Variants in SCOC observed in about 807,000 individuals in gnomAD.
SCOC encodes the protein short coiled coil protein.
SCOC carries 7 observed loss-of-function variants against 9.9 expected under a neutral mutation model. The ratio of observed to expected loss-of-function variants is 0.71; its 90% CI spans 0.40 to 1.33. The LOEUF is 1.33. SCOC is among the 40% of genes most tolerant of loss of function. SCOC has a pLI of 0.01. For missense variants in SCOC, 66 were observed against 89.7 expected (o/e 0.74, Z 1.07); for synonymous variants, 19 against 28.2 (o/e 0.67, Z 1.03).
chr4:140,304,709 G>A (rs912237059), intron 1 of SCOC, among the ~76,000 whole-genome samples: 61 of 152,312 alleles, frequency 4.0e-4, no homozygotes, highest in African/African-American at 1.4e-3. Flanking sequence ...AGAGCAGGAA[G>A]GCTGGTCTTT....
At chr4:140,290,441 C>T (rs1226593288) in intron 1 of SCOC, among the ~76,000 whole-genome samples, 1 of 152,156 alleles carries the variant, frequency 6.6e-6, no homozygotes, top group Admixed American at 6.5e-5. Flanking sequence ...TTCCCCCATG[C>T]CTTTGGTTCC....
chr4:140,349,150 A>G (rs1050139380), intron 2 of SCOC, among the ~76,000 whole-genome samples: 1 of 152,214 alleles, frequency 6.6e-6, no homozygotes, highest in Admixed American at 6.5e-5. Flanking sequence ...CAACAGAGCA[A>G]TTGTGATGAC....
intron 1 of SCOC, among the ~76,000 whole-genome samples, chr4:140,326,851 T>C (rs1732664851): frequency 1.3e-5 from 2 of 152,194 alleles, no homozygotes; most frequent in African/African-American, 2.4e-5. Context: ...TCTGATAACA[T>C]TCATTGGTGA....
chr4:140,379,796 C>A, intron 3 of SCOC, 144 bp downstream of exon 3: 1 of 606,760 alleles, frequency 1.6e-6, no homozygotes, highest in Non-Finnish European at 2.9e-6. Flanking sequence ...ATCTATCTTC[C>A]TGCTTTGGTA....
chr4:140,317,646 A>G (rs968932320), intron 1 of SCOC, among the ~76,000 whole-genome samples: 3 of 133,292 alleles, frequency 2.3e-5, no homozygotes, highest in African/African-American at 8.3e-5. Flanking sequence ...TTTTTTTTCT[A>G]CTGTTTGCAT....
At chr4:140,369,700 G>GA (rs960338382), upstream of SCOC, among the ~76,000 whole-genome samples, 3 of 151,388 alleles carry the variant, frequency 2.0e-5, no homozygotes, top group Non-Finnish European at 2.9e-5. Flanking sequence ...CATTCTCTAG[G>GA]AAAAAAAATG....
At chr4:140,365,411 A>G (rs767539681) in intron 2 of SCOC, among the ~76,000 whole-genome samples, 14 of 152,254 alleles carry the variant, frequency 9.2e-5, no homozygotes, top group Admixed American at 3.9e-4. Flanking sequence ...GACTTCTTGG[A>G]CAAAAAGAAT....
At chr4:140,348,434 T>C (rs1726832247) in intron 2 of SCOC, among the ~76,000 whole-genome samples, 1 of 152,132 alleles carries the variant, frequency 6.6e-6, no homozygotes, top group Non-Finnish European at 1.5e-5. Context: ...GCTAACATAA[T>C]GTCTTCCAGG....
chr4:140,380,239 C>T (rs1728518968), intron 3 of SCOC, among the ~76,000 whole-genome samples: 1 of 143,750 alleles, frequency 7.0e-6, no homozygotes, highest in Non-Finnish European at 1.5e-5. Context: ...CTCTTGTTGC[C>T]CAGGTTGGAG....
intron 2 of SCOC, among the ~76,000 whole-genome samples, chr4:140,362,301 T>TCTTCTTCTTCTTCTTCTTCTTC: frequency 6.8e-4 from 20 of 29,408 alleles, no homozygotes; most frequent in African/African-American, 1.8e-3. Context: ...TTCTTCTTCT[T>TCTTCTTCTTCTTCTTCTTCTTC]TTTTTTTTTT....
intron 1 of SCOC, among the ~76,000 whole-genome samples, chr4:140,288,771 AC>A (rs1236279356): frequency 3.3e-5 from 5 of 151,896 alleles, no homozygotes; most frequent in Non-Finnish European, 7.4e-5. Flanking sequence ...TCATGCACAT[AC>A]CCCCTACGCA....
chr4:140,365,535 C>G (rs1467879525), intron 2 of SCOC, among the ~76,000 whole-genome samples: 1 of 152,122 alleles, frequency 6.6e-6, no homozygotes, highest in Non-Finnish European at 1.5e-5. Context: ...TGAAAAGGAG[C>G]AAAAAGTCAG....
chr4:140,341,473 C>T (rs1029805456), upstream of SCOC, among the ~76,000 whole-genome samples: 3 of 152,206 alleles, frequency 2.0e-5, no homozygotes, highest in African/African-American at 7.2e-5. Flanking sequence ...TCAGCTCCCT[C>T]ATCTTTAAAA....
chr4:140,372,507 C>CT (rs1458672466), upstream of SCOC, among the ~76,000 whole-genome samples: 4 of 152,110 alleles, frequency 2.6e-5, no homozygotes, highest in Admixed American at 6.5e-5. Flanking sequence ...TCTAGTCTCT[C>CT]TTTTTTGGCA....
At chr4:140,282,535 T>C (rs1731124936) in intron 1 of SCOC, among the ~76,000 whole-genome samples, 1 of 152,170 alleles carries the variant, frequency 6.6e-6, no homozygotes, top group Non-Finnish European at 1.5e-5. Context: ...TAGAGTTTAC[T>C]TGTGCTATAT....
intron 2 of SCOC, among the ~76,000 whole-genome samples, chr4:140,359,727 C>T (rs1039505091): frequency 6.6e-6 from 1 of 152,200 alleles, no homozygotes. Context: ...AGGCTGGAGA[C>T]GTGGGATCTA....
chr4:140,314,811 G>C (rs547856277), intron 1 of SCOC, among the ~76,000 whole-genome samples: 20 of 152,196 alleles, frequency 1.3e-4, no homozygotes, highest in African/African-American at 4.3e-4. Context: ...AGATGTCCAG[G>C]GCCAGGGGTG....
intron 2 of SCOC, among the ~76,000 whole-genome samples, chr4:140,362,278 C>CTT (rs1553941075): frequency 2.8e-4 from 3 of 10,570 alleles, no homozygotes; most frequent in African/African-American, 2.2e-3. Context: ...TGTGTCCTTA[C>CTT]TTCTTCTTCT....
chr4:140,310,409 G>T (rs1046056225), intron 1 of SCOC, among the ~76,000 whole-genome samples: 5 of 152,192 alleles, frequency 3.3e-5, no homozygotes, highest in African/African-American at 7.2e-5. Context: ...TTGCCAGTGG[G>T]ATTGGTATAT....
Sources: gnomAD v4.1 joint callset for allele counts (sites outside exome capture counted in the v4.1 genomes callset) on GRCh38, gnomAD v4.1.1 for gene constraint, MANE v1.5 for transcripts, NCBI Gene and HGNC (gene_info 2026-07-23, HGNC 2026-07-21) for gene names.